Variants in RRAGB observed in about 807,000 individuals in gnomAD.
RRAGB encodes Ras related GTP binding B, also known as ras-related GTP-binding protein B.
RRAGB carries 6 observed loss-of-function variants against 29.3 expected under a neutral mutation model. That is an observed-to-expected ratio of 0.21 (90% CI 0.11 to 0.40). The LOEUF is 0.40. Ranked by LOEUF, RRAGB falls within the 10% of genes least tolerant of loss-of-function variation. The pLI is 1.00. For synonymous variants in RRAGB, 101 were observed against 92.5 expected (o/e 1.09, Z -0.53); for missense variants, 184 against 272.9 (o/e 0.67, Z 2.29).
chrX:55,748,460 G>C (rs1602065862), intron 5 of RRAGB, among the ~76,000 whole-genome samples: 2 of 107,451 alleles, frequency 1.9e-5, no homozygotes, highest in South Asian at 4.3e-4. Context: ...TCTAGGAAGC[G>C]AGGAGAGTCT....
At chrX:55,747,903 T>TC (rs1474253497) in intron 5 of RRAGB, among the ~76,000 whole-genome samples, 1 of 104,260 alleles carries the variant, frequency 9.6e-6, no homozygotes, top group East Asian at 3.5e-4. Flanking sequence ...TTCCACGGTC[T>TC]CCCCCTGATG....
At chrX:55,725,288 G>A (rs1446286112) in intron 3 of RRAGB, among the ~76,000 whole-genome samples, 1 of 111,819 alleles carries the variant, frequency 8.9e-6, no homozygotes, top group Non-Finnish European at 1.9e-5. Context: ...CTAATACTTT[G>A]TTAGTAATCA....
At chrX:55,738,546 A>G (rs186567634) in intron 5 of RRAGB, among the ~76,000 whole-genome samples, 44 of 112,849 alleles carry the variant, frequency 3.9e-4, no homozygotes, top group African/African-American at 9.6e-4. Context: ...GTAATGTACT[A>G]GGCACATGAG....
chrX:55,718,564 G>A lies in RRAGB; in HGVS notation c.92+145G>A, dbSNP rs764463106. The A allele has an allele frequency of 3.4e-5, 14 of 417,487 alleles. No homozygotes were observed. The Admixed American group carries it at 4.8e-4, about 14-fold the overall frequency. 34.4% of individuals were successfully genotyped at this position (417,487 alleles called of 1,213,427 possible). On this transcript the variant is annotated intron_variant, in intron 1 of 9. Coordinates refer to ENST00000374941, the MANE Select transcript of RRAGB (RefSeq NM_006064.5). ...TGTTGATTGGGATTATGCTTTGGAC[G>A]ACAGGATAAACTGGAAAGCGAATTG...
At chrX:55,744,289 A>G (rs2034173558) in intron 5 of RRAGB, among the ~76,000 whole-genome samples, 2 of 105,945 alleles carry the variant, frequency 1.9e-5, no homozygotes, top group South Asian at 9.0e-4. Flanking sequence ...CGAGCTACTC[A>G]GGAGGCTGAG....
intron 5 of RRAGB, among the ~76,000 whole-genome samples, chrX:55,732,344 G>A (rs1352141334): frequency 9.0e-6 from 1 of 111,720 alleles, no homozygotes; most frequent in Non-Finnish European, 1.9e-5. Context: ...AAAATAAGAG[G>A]ATTGGATTTT....
intron 5 of RRAGB, among the ~76,000 whole-genome samples, chrX:55,743,580 G>A (rs2034150460): frequency 8.9e-6 from 1 of 112,691 alleles, no homozygotes; most frequent in African/African-American, 3.2e-5. Flanking sequence ...GGGCTGAACA[G>A]GTCATCCTAT....
At chrX:55,720,984 A>C (rs1253802424) in intron 2 of RRAGB, among the ~76,000 whole-genome samples, 2 of 112,381 alleles carry the variant, frequency 1.8e-5, no homozygotes, top group Non-Finnish European at 3.8e-5. Context: ...ACTTTACTAA[A>C]TTCCCTTTTA....
intron 2 of RRAGB, among the ~76,000 whole-genome samples, chrX:55,720,218 A>C (rs1485446211): frequency 8.0e-5 from 9 of 112,144 alleles, no homozygotes; most frequent in Non-Finnish European, 3.8e-5. Context: ...AAAAGTACAG[A>C]AATTTCTACA....
At position 55,744,387 on chromosome X, in the gene RRAGB, C is replaced by CAAAAAAAAAAAAAAAAAAAAA. The variant is rs56294534; in HGVS notation, c.517-6697_517-6696insAAAAAAAAAAAAAAAAAAAAA. Among the ~76,000 whole-genome samples the CAAAAAAAAAAAAAAAAAAAAA allele has an allele frequency of 1.1e-3, 39 of 35,753 alleles. 5 individuals carry two copies. The highest frequency in any genetic ancestry group is 3.4e-3 in the African/African-American group (39 of 11,443). 31.0% of individuals were successfully genotyped at this position (35,753 alleles called of 115,157 possible). A position where few individuals can be genotyped will look rare whatever the true frequency, so the allele number is the denominator to read the frequency against. ...CTCCAGCTTGGGTGACAGAGTGAGC[C>CAAAAAAAAAAAAAAAAAAAAA]AAAAAAAAAAAAAAAAAGTAGTATA... On this transcript the variant is annotated intron_variant, in intron 5 of 9. Transcript: ENST00000374941.
At chrX:55,747,847 CCACGG>C (rs1490450619) in intron 5 of RRAGB, among the ~76,000 whole-genome samples, 31 of 75,753 alleles carry the variant, frequency 4.1e-4, no homozygotes, top group East Asian at 1.8e-3. Context: ...CTCCCTCTCC[CCACGG>C]TCTCCCTCTC....
intron 5 of RRAGB, among the ~76,000 whole-genome samples, chrX:55,746,308 A>G: frequency 8.9e-6 from 1 of 112,237 alleles, no homozygotes; most frequent in Non-Finnish European, 1.9e-5. Flanking sequence ...TTCTAGGAAC[A>G]TCATGATAAC....
chrX:55,728,139 G>T (rs755003161), intron 3 of RRAGB, among the ~76,000 whole-genome samples: 1 of 111,599 alleles, frequency 9.0e-6, no homozygotes, highest in Non-Finnish European at 1.9e-5. Flanking sequence ...GATGTGTTTT[G>T]TTTGGCCCAT....
intron 5 of RRAGB, among the ~76,000 whole-genome samples, chrX:55,736,053 G>A (rs1382547825): frequency 8.9e-6 from 1 of 111,946 alleles, no homozygotes; most frequent in African/African-American, 3.2e-5. Context: ...TTTCCTTCAT[G>A]TTGACTTTAG....
rs765547725 is a variant in RRAGB at position 55,722,192 on chromosome X, T to A, written c.133T>A (p.Leu45Met). The stretch of plus-strand genomic sequence containing the variant: ...TTCCCTACTTTGTCCTTAGGTGCTG[T>A]TGATGGGTAAAAGTGGGTCTGGTAA... ...PNTAMKKKVL[L>M]MGKSGSGKTS... The change falls in exon 3 of 10, where the codon TTG becomes ATG. Residue 45 changes from leucine to methionine, a missense_variant. By Grantham distance (15) the Leu-to-Met change is conservative. Coordinates refer to ENST00000374941, the MANE Select transcript of RRAGB (RefSeq NM_006064.5). 5 of 1,175,602 alleles carry A rather than the reference T, an allele frequency of 4.3e-6. No homozygotes were observed. In the East Asian group the frequency reaches 1.5e-4, roughly 35 times the overall value.
At chrX:55,742,481 T>A (rs756095747) in intron 5 of RRAGB, among the ~76,000 whole-genome samples, 1 of 112,520 alleles carries the variant, frequency 8.9e-6, no homozygotes, top group Admixed American at 9.4e-5. Context: ...CTCTTCTTCC[T>A]TATATCTATT....
chrX:55,758,030 T>A (rs1006589650), intron 9 of RRAGB, among the ~76,000 whole-genome samples: 1 of 112,282 alleles, frequency 8.9e-6, no homozygotes, highest in Non-Finnish European at 1.9e-5. Flanking sequence ...ACCAAAAGAT[T>A]TTGGAAATTT....
intron 5 of RRAGB, among the ~76,000 whole-genome samples, chrX:55,731,862 C>T (rs1411957259): frequency 1.8e-5 from 2 of 111,785 alleles, no homozygotes; most frequent in Non-Finnish European, 1.9e-5. Context: ...ATATTTGCTG[C>T]CCCAGTTTTA....
At chrX:55,757,889 A>G (rs2034698973) in intron 9 of RRAGB, among the ~76,000 whole-genome samples, 1 of 111,907 alleles carries the variant, frequency 8.9e-6, no homozygotes, top group South Asian at 3.7e-4. Context: ...AACCATTGAA[A>G]TAAAGGTTCT....
Sources: allele counts gnomAD v4.1 joint callset (sites outside exome capture counted in the v4.1 genomes callset), GRCh38; gene constraint gnomAD v4.1.1; transcripts MANE v1.5; gene names NCBI Gene and HGNC (gene_info 2026-07-23, HGNC 2026-07-21).